Variants in TUB observed in about 807,000 individuals in gnomAD.
TUB encodes TUB bipartite transcription factor.
A neutral mutation model predicts 59.7 loss-of-function variants in TUB; 33 were observed. That is an observed-to-expected ratio of 0.55 (90% confidence interval 0.42 to 0.74). The LOEUF (loss-of-function observed/expected upper bound fraction) is 0.74, where lower values mean the gene tolerates loss of function less well. TUB is among the 30% of genes least tolerant of loss of function. The pLI, the probability that TUB is intolerant of heterozygous loss-of-function variation, is 0.00. For missense variants in TUB, 659 were observed against 672.0 expected (o/e 0.98, Z 0.21); for synonymous variants, 293 against 256.4 (o/e 1.14, Z -1.36).
At chr11:8,071,455 A>C (rs1401537724) in intron 2 of TUB, among the ~76,000 whole-genome samples, 5 of 152,140 alleles carry the variant, frequency 3.3e-5, no homozygotes, top group Non-Finnish European at 7.4e-5. Flanking sequence ...TTGGGAAGGC[A>C]CTTCTTTATG....
chr11:8,039,722 C>T (rs373159837), intron 2 of TUB: 12 of 1,491,900 alleles, frequency 8.0e-6, no homozygotes, highest in African/African-American at 4.2e-5. Flanking sequence ...GGCGTGCCGG[C>T]CCTGGGAAAG....
chr11:8,046,230 C>T (rs1431659235), intron 2 of TUB, among the ~76,000 whole-genome samples: 1 of 152,198 alleles, frequency 6.6e-6, no homozygotes, highest in South Asian at 2.1e-4. Flanking sequence ...TTGCCTTGCA[C>T]CACCTTTTGT....
At chr11:8,056,532 G>A (rs2133764341) in intron 2 of TUB, among the ~76,000 whole-genome samples, 1 of 152,256 alleles carries the variant, frequency 6.6e-6, no homozygotes, top group South Asian at 2.1e-4. Flanking sequence ...ATCCATTTCT[G>A]TGAAATGCCT....
intron 9 of TUB, 111 bp from the exon 10 acceptor site, chr11:8,100,390 CTT>C (rs914579388): frequency 1.8e-5 from 15 of 820,584 alleles, no homozygotes; most frequent in African/African-American, 6.7e-5. Flanking sequence ...GTGTGTTAGA[CTT>C]CGGAGTGGAG....
At chr11:8,093,538 T>C (rs1174601354) in intron 3 of TUB, among the ~76,000 whole-genome samples, 1 of 152,150 alleles carries the variant, frequency 6.6e-6, no homozygotes, top group Non-Finnish European at 1.5e-5. Context: ...TGCCTGTAGC[T>C]TCTTGTGTCC....
intron 2 of TUB, among the ~76,000 whole-genome samples, chr11:8,063,673 C>G (rs1589943352): frequency 6.6e-6 from 1 of 152,146 alleles, no homozygotes; most frequent in Non-Finnish European, 1.5e-5. Flanking sequence ...TATCTCTGTA[C>G]AAATTACTTT....
chr11:8,041,087 A>G (rs1032484639), intron 2 of TUB, among the ~76,000 whole-genome samples: 1 of 152,244 alleles, frequency 6.6e-6, no homozygotes, highest in African/African-American at 2.4e-5. Flanking sequence ...TCCTTTGGCC[A>G]TGACCTTGCC....
At position 8,104,894 on chromosome 11, in the gene TUB, G is replaced by A. The variant is rs947763020; in HGVS notation, c.*3275G>A. 6.7e-6 allele frequency: 1 copy of A among 150,128 alleles called. No individual in the cohort carries two copies. The highest frequency in any genetic ancestry group is 1.5e-5 in the Non-Finnish European group (1 of 67,726). The allele number at this position is 150,128 out of a possible 1,614,324, so 9.3% of individuals were successfully genotyped here. On this transcript the variant is annotated 3_prime_UTR_variant, in exon 12 of 12. Coordinates refer to ENST00000299506, the MANE Select transcript of TUB (RefSeq NM_177972.3). The stretch of plus-strand genomic sequence containing the variant: ...ACTTTCGGAGCCTGCCTCCTTCAGT[G>A]ACAAGTAGGGCACAAAATTCTAGAA...
chr11:8,053,064 T>C (rs981388738), intron 2 of TUB, among the ~76,000 whole-genome samples: 2 of 152,240 alleles, frequency 1.3e-5, no homozygotes, highest in African/African-American at 2.4e-5. Context: ...CTTCTGTTCC[T>C]AGTTTACTAA....
intron 1 of TUB, among the ~76,000 whole-genome samples, chr11:8,021,972 A>G (rs973733048): frequency 2.0e-5 from 3 of 151,910 alleles, no homozygotes; most frequent in African/African-American, 7.3e-5. Context: ...ACATAAAGAC[A>G]TTTACTGGGT....
chr11:8,056,544 G>C (rs920997009), intron 2 of TUB, among the ~76,000 whole-genome samples: 3 of 152,144 alleles, frequency 2.0e-5, no homozygotes, highest in Admixed American at 6.6e-5. Flanking sequence ...GAAATGCCTG[G>C]GGGGAGGGAA....
At chr11:8,086,436 T>C (rs1029260222) in intron 1 of TUB, among the ~76,000 whole-genome samples, 1 of 152,106 alleles carries the variant, frequency 6.6e-6, no homozygotes, top group Non-Finnish European at 1.5e-5. Flanking sequence ...TTGGTGCTGC[T>C]CTTCCTGGAG....
rs1380448939 is a variant in TUB, at chr11:8,105,657, T to TG, written c.*4042dup. On this transcript the variant is annotated 3_prime_UTR_variant, in exon 12 of 12. Coordinates refer to ENST00000299506, the MANE Select transcript of TUB (RefSeq NM_177972.3). Reference sequence around the variant, plus strand: ...CATTGTCAAAGCTTGCCGTAGGATTTGGGGTGAATGAAAATTATTCCTTGC... The same window carrying TG: ...CATTGTCAAAGCTTGCCGTAGGATTTGGGGGTGAATGAAAATTATTCCTTGC... 1 of 152,174 alleles carries TG rather than the reference T, an allele frequency of 6.6e-6. No individual in the cohort carries two copies. Among genetic ancestry groups the TG allele is most frequent in the Non-Finnish European group, 1.5e-5 (1 of 68,012 alleles). The allele number at this position is 152,174 out of a possible 1,614,324, so 9.4% of individuals were successfully genotyped here.
At position 8,057,483 on chromosome 11, in the gene TUB, A is replaced by G. The variant is rs567638410; in HGVS notation, c.203+17791A>G. Among the ~76,000 whole-genome samples the G allele has an allele frequency of 1.1e-4, 17 of 152,340 alleles. No individual in the cohort carries two copies. The South Asian group carries it at 1.5e-3, about 13-fold the overall frequency. ...TATATATCTTCTAAACTATATGTCT[A>G]TGTGTAAGTGTGCATTCGTCTAAAG... On this transcript the variant is annotated intron_variant, in intron 2 of 12. Transcript: ENST00000305253.
chr11:8,085,007 C>T (rs1465030109), intron 1 of TUB, among the ~76,000 whole-genome samples: 2 of 152,268 alleles, frequency 1.3e-5, no homozygotes, highest in Admixed American at 6.5e-5. Flanking sequence ...TCCGGGTTCC[C>T]CCTCCTCCTG....
At position 8,105,380 on chromosome 11, in the gene TUB, C is replaced by T. The variant is rs1944512263; in HGVS notation, c.*3761C>T. 2 of 152,148 alleles carry T rather than the reference C, an allele frequency of 1.3e-5. No individual in the cohort carries two copies. The highest frequency in any genetic ancestry group is 6.5e-5 in the Admixed American group (1 of 15,276). 9.4% of individuals were successfully genotyped at this position (152,148 alleles called of 1,614,324 possible). On this transcript the variant is annotated 3_prime_UTR_variant, in exon 12 of 12. Transcript: ENST00000299506. Reference sequence around the variant, plus strand: ...GCTCTGGTCTGTAGGTTTGTAGTAGCCACCGGTAATAAGCCAAGGGCTAGG... The same window carrying T: ...GCTCTGGTCTGTAGGTTTGTAGTAGTCACCGGTAATAAGCCAAGGGCTAGG...
At chr11:8,081,572 GC>G in intron 1 of TUB, 24 bp downstream of exon 1, 1 of 1,507,638 alleles carries the variant, frequency 6.6e-7, no homozygotes, top group South Asian at 1.3e-5. Flanking sequence ...GGGCCGGGGC[GC>G]CCACCACTCC....
At chr11:8,100,690 T>C in intron 10 of TUB, 89 bp downstream of exon 10, 1 of 1,478,458 alleles carries the variant, frequency 6.8e-7, no homozygotes, top group South Asian at 1.1e-5. Context: ...GATGTGTGTA[T>C]GTGGAGGGGT....
chr11:8,093,426 G>A (rs1378304987), intron 3 of TUB, among the ~76,000 whole-genome samples: 1 of 152,192 alleles, frequency 6.6e-6, no homozygotes, highest in Non-Finnish European at 1.5e-5. Flanking sequence ...TTCAGCTTAA[G>A]AGCAATCAGA....
Sources: gnomAD v4.1 joint callset for allele counts (sites outside exome capture counted in the v4.1 genomes callset) on GRCh38, gnomAD v4.1.1 for gene constraint, MANE v1.5 for transcripts, NCBI Gene and HGNC (gene_info 2026-07-23, HGNC 2026-07-21) for gene names.